The following AHRR variants were observed in gnomAD, a reference collection of about 807,000 sequenced individuals.
The protein encoded by AHRR is aryl hydrocarbon receptor repressor.
Under a neutral mutation model 44.0 loss-of-function variants are expected in AHRR, and 28 were observed. That is an observed-to-expected ratio of 0.64 (90% CI 0.47 to 0.87). The LOEUF (loss-of-function observed/expected upper bound fraction) is 0.87, where lower values mean the gene tolerates loss of function less well. Among genes scored for constraint, AHRR ranks in the 40% least tolerant of loss-of-function variants. AHRR has a pLI of 0.00. For synonymous variants in AHRR, 434 were observed against 407.0 expected, an observed-to-expected ratio of 1.07 and a Z score of -0.80; for missense variants, 990 against 953.9, an observed-to-expected ratio of 1.04 and a Z score of -0.50.
At chr5:414,759 A>G (rs1735642436) in intron 5 of AHRR, among the ~76,000 whole-genome samples, 1 of 152,276 alleles carries the variant, frequency 6.6e-6, no homozygotes, top group South Asian at 2.1e-4. Flanking sequence ...GAGAAAGATC[A>G]AAACAAAACT....
chr5:424,039 G>A, intron 7 of AHRR, 62 bp downstream of exon 7: 5 of 1,554,626 alleles, frequency 3.2e-6, no homozygotes, highest in Non-Finnish European at 4.3e-6. Flanking sequence ...ACCCTGGTGT[G>A]GAAGGAAACA....
intron 2 of AHRR, among the ~76,000 whole-genome samples, chr5:344,252 C>G (rs1742485407): frequency 6.6e-6 from 1 of 150,864 alleles, no homozygotes. Context: ...GGGCGGAGCT[C>G]CGGGCGGCAG....
intron 5 of AHRR, among the ~76,000 whole-genome samples, chr5:421,601 C>T (rs1736124343): frequency 6.6e-6 from 1 of 152,238 alleles, no homozygotes; most frequent in South Asian, 2.1e-4. Flanking sequence ...CGGAGGAGTG[C>T]ACCGCGGGGA....
intron 4 of AHRR, among the ~76,000 whole-genome samples, chr5:397,613 G>T (rs1488083072): frequency 1.5e-5 from 1 of 68,876 alleles, no homozygotes; most frequent in Non-Finnish European, 2.6e-5. Context: ...CGTAGCTCCT[G>T]ACCATCCATG....
intron 5 of AHRR, among the ~76,000 whole-genome samples, chr5:416,111 A>G (rs1735798521): frequency 6.6e-6 from 1 of 152,226 alleles, no homozygotes; most frequent in South Asian, 2.1e-4. Context: ...GTGAAGGTGC[A>G]GCTCGTCAGC....
In AHRR at chr5:411,626, G is replaced by C. The variant is rs1735470129; in HGVS notation, c.352-1718G>C. Among the ~76,000 whole-genome samples, 1 of 152,046 alleles carries C rather than the reference G, an allele frequency of 6.6e-6. No individual in the cohort carries two copies. The highest frequency in any genetic ancestry group is 2.4e-5 in the African/African-American group (1 of 41,484). On this transcript the variant is annotated intron_variant, in intron 4 of 10. Transcript: ENST00000684583. The surrounding 1 kb of genome is among the most constrained non-coding windows in gnomAD (Gnocchi z 4.2). ...TAATCAAAGAAATGAAAACTATAAT[G>C]GTAAAATAATTTATCTCTTTTCAGA...
In AHRR at chr5:383,813, C is replaced by A. The variant is rs2126457400; in HGVS notation, c.351+7097C>A. 1.3e-5 allele frequency among the ~76,000 whole-genome samples: 2 copies of A among 152,304 alleles called. No individual in the cohort carries two copies. Among genetic ancestry groups the A allele is most frequent in the South Asian group, 4.1e-4 (2 of 4,824 alleles). On this transcript the variant is annotated intron_variant, in intron 4 of 10. Coordinates refer to ENST00000684583, the MANE Select transcript of AHRR (RefSeq NM_001377236.1). This position sits in a 1 kb window ranked among gnomAD's most constrained non-coding sequence, Gnocchi z 4.0. Reference sequence around the variant, plus strand: ...TCTTGGCCTCAAGCTGTCCTCCCACCCCCGGCCTCCCAAAGTGTTGAGATT... The same window carrying A: ...TCTTGGCCTCAAGCTGTCCTCCCACACCCGGCCTCCCAAAGTGTTGAGATT...
Position 414,760 on chromosome 5 carries a change from A to C in AHRR, c.441+1327A>C, listed in dbSNP as rs373115128. ...GAACAGGTATGTTTGAGAAAGATCAAAACAAAACTTTGAAAAATAGAGAGT... is the reference window on the plus strand; with the variant it reads ...GAACAGGTATGTTTGAGAAAGATCACAACAAAACTTTGAAAAATAGAGAGT... On this transcript the variant is annotated intron_variant, in intron 5 of 10. Transcript: ENST00000684583. 3.9e-5 allele frequency among the ~76,000 whole-genome samples: 6 copies of C among 152,272 alleles called. No homozygotes were observed. The South Asian group carries it at 1.0e-3, about 26-fold the overall frequency.
chr5:412,222 T>C (rs950545409), intron 4 of AHRR, among the ~76,000 whole-genome samples: 2 of 152,132 alleles, frequency 1.3e-5, no homozygotes, highest in Non-Finnish European at 2.9e-5. Flanking sequence ...CAAGATGAAA[T>C]GAATTTCTAG....
intron 3 of AHRR, among the ~76,000 whole-genome samples, chr5:359,387 C>A (rs1179687578): frequency 9.0e-6 from 1 of 110,558 alleles, no homozygotes; most frequent in Non-Finnish European, 2.2e-5. Context: ...GGAAGAGCGC[C>A]CGCGAGTGGA....
chr5:343,617 G>A, intron 1 of AHRR: 1 of 446,450 alleles, frequency 2.2e-6, no homozygotes, highest in African/African-American at 2.1e-5. Flanking sequence ...CCCTGAGCCA[G>A]GCTCCAGAGC....
intron 4 of AHRR, among the ~76,000 whole-genome samples, chr5:392,583 G>A (rs1734515900): frequency 6.6e-6 from 1 of 152,216 alleles, no homozygotes; most frequent in African/African-American, 2.4e-5. Flanking sequence ...GACTCGTTAT[G>A]TAAGCGTGTG....
intron 8 of AHRR, among the ~76,000 whole-genome samples, chr5:429,772 A>T (rs1736641061): frequency 6.6e-6 from 1 of 152,254 alleles, no homozygotes; most frequent in South Asian, 2.1e-4. Context: ...AATCTCTGGC[A>T]TAGCGCCCAG....
Position 427,792 on chromosome 5 carries a change from T to A in AHRR, c.709-15T>A. On this transcript the variant is annotated splice_polypyrimidine_tract_variant and intron_variant, in intron 7 of 10. Transcript: ENST00000684583. ...CTTGGTGAACACGCCTTCCTCTCTGTCTTTAAAACACCAGACGATGCAGTT... is the reference window on the plus strand; with the variant it reads ...CTTGGTGAACACGCCTTCCTCTCTGACTTTAAAACACCAGACGATGCAGTT... The A allele has an allele frequency of 6.2e-7, 1 of 1,613,740 alleles. No individual in the cohort carries two copies. The highest frequency in any genetic ancestry group is 8.5e-7 in the Non-Finnish European group (1 of 1,179,638).
At chr5:397,777 G>GT (rs1237793694) in intron 4 of AHRR, among the ~76,000 whole-genome samples, 4 of 104,622 alleles carry the variant, frequency 3.8e-5, no homozygotes, top group East Asian at 2.9e-4. Context: ...GACCGTCCAC[G>GT]TAGCCCCTGA....
intron 5 of AHRR, chr5:420,785 C>A (rs75105386): frequency 4.0e-5 from 5 of 126,554 alleles, no homozygotes; most frequent in Non-Finnish European, 7.2e-5. Flanking sequence ...GACACCTCCG[C>A]GCTGCACGCA....
At chr5:354,519 T>A (rs1382001366) in intron 3 of AHRR, among the ~76,000 whole-genome samples, 1 of 152,144 alleles carries the variant, frequency 6.6e-6, no homozygotes, top group Non-Finnish European at 1.5e-5. Context: ...GCCCTGTCTG[T>A]CCTTGGAAGC....
At chr5:401,877 A>G (rs1312221982) in intron 4 of AHRR, among the ~76,000 whole-genome samples, 1 of 152,242 alleles carries the variant, frequency 6.6e-6, no homozygotes, top group Non-Finnish European at 1.5e-5. Flanking sequence ...GTGGGTTAGC[A>G]AGAGGTATCT....
intron 4 of AHRR, among the ~76,000 whole-genome samples, chr5:389,569 C>T (rs943309944): frequency 2.6e-5 from 4 of 152,038 alleles, no homozygotes; most frequent in African/African-American, 7.2e-5. Flanking sequence ...TGGAAAAGCT[C>T]GAGGGGCTCT....
Sources: gnomAD v4.1 joint callset for allele counts (sites outside exome capture counted in the v4.1 genomes callset) on GRCh38, gnomAD v4.1.1 for gene constraint, Gnocchi (gnomAD v3.1) non-coding constraint, MANE v1.5 for transcripts, NCBI Gene and HGNC (gene_info 2026-07-23, HGNC 2026-07-21) for gene names.